The following TENM3 variants were observed in gnomAD, a reference collection of about 807,000 sequenced individuals.
TENM3 encodes the protein teneurin transmembrane protein 3.
Under a neutral mutation model 255.1 loss-of-function variants are expected in TENM3, and 63 were observed. The ratio of observed to expected loss-of-function variants is 0.25; its 90% CI spans 0.20 to 0.30. The LOEUF (loss-of-function observed/expected upper bound fraction) is 0.30. Ranked by LOEUF, TENM3 falls within the 10% of genes least tolerant of loss-of-function variation. The pLI is 1.00. For missense variants in TENM3, 2,929 were observed against 3,461.1 expected (o/e 0.85, Z 3.86); for synonymous variants, 1,306 against 1,322.3 (o/e 0.99, Z 0.27).
the TENM3 span, among the ~76,000 whole-genome samples, chr4:181,498,012 T>C: frequency 2.0e-5 from 3 of 152,178 alleles, no homozygotes; most frequent in Non-Finnish European, 2.9e-5. Context: ...TCTTTCCTGG[T>C]CAAAGTTTCA....
At chr4:181,631,302 T>A in the TENM3 span, among the ~76,000 whole-genome samples, 10 of 152,148 alleles carry the variant, frequency 6.6e-5, no homozygotes, top group East Asian at 1.9e-3. Flanking sequence ...TTTTGTTTTT[T>A]TTTTTAGACG....
chr4:182,361,698 A>C (rs1228206469), intron 3 of TENM3, among the ~76,000 whole-genome samples: 1 of 151,872 alleles, frequency 6.6e-6, no homozygotes, highest in Admixed American at 6.6e-5. Flanking sequence ...TGATCGTCTG[A>C]AGCCTTCTTC....
intron 3 of TENM3, among the ~76,000 whole-genome samples, chr4:182,590,932 A>T (rs775749870): frequency 2.6e-5 from 4 of 152,002 alleles, no homozygotes; most frequent in African/African-American, 7.2e-5. Flanking sequence ...ATGCCAGCTT[A>T]CCTGCACTTT....
At chr4:182,585,522 G>C (rs1745930579) in intron 3 of TENM3, among the ~76,000 whole-genome samples, 1 of 152,086 alleles carries the variant, frequency 6.6e-6, no homozygotes, top group Non-Finnish European at 1.5e-5. Flanking sequence ...TTGCTCCCCT[G>C]CTGTCTGCCT....
intron 3 of TENM3, among the ~76,000 whole-genome samples, chr4:182,573,667 A>G (rs192825968): frequency 1.0e-3 from 159 of 152,304 alleles, no homozygotes; most frequent in Non-Finnish European, 1.7e-3. Flanking sequence ...ACAGTTTCTG[A>G]AGGATTTGAA....
the TENM3 span, among the ~76,000 whole-genome samples, chr4:182,039,566 T>C: frequency 6.6e-6 from 1 of 152,024 alleles, no homozygotes; most frequent in Non-Finnish European, 1.5e-5. Context: ...ATCAGAAGAA[T>C]TAATGCAAAA....
At chr4:182,229,313 G>A (rs1561219775) in intron 1 of TENM3, among the ~76,000 whole-genome samples, 1 of 152,058 alleles carries the variant, frequency 6.6e-6, no homozygotes, top group Non-Finnish European at 1.5e-5. Flanking sequence ...CTTTGCTTAT[G>A]CTATAAAAAT....
At chr4:181,899,845 CTA>C in the TENM3 span, among the ~76,000 whole-genome samples, 23 of 152,198 alleles carry the variant, frequency 1.5e-4, no homozygotes, top group African/African-American at 5.3e-4. Flanking sequence ...GGATTACAGG[CTA>C]TGTTTTTTGT....
chr4:181,486,781 C>T, the TENM3 span, among the ~76,000 whole-genome samples: 4 of 152,092 alleles, frequency 2.6e-5, no homozygotes, highest in South Asian at 8.3e-4. Context: ...TAGATTACAT[C>T]CAGATAATAA....
chr4:181,895,572 T>A, the TENM3 span, among the ~76,000 whole-genome samples: 5 of 142,550 alleles, frequency 3.5e-5, no homozygotes, highest in African/African-American at 1.3e-4. Flanking sequence ...TGAGACAGGA[T>A]CTTGCTCTGT....
the TENM3 span, among the ~76,000 whole-genome samples, chr4:181,989,388 A>C: frequency 2.0e-5 from 3 of 152,100 alleles, no homozygotes; most frequent in African/African-American, 7.2e-5. Flanking sequence ...CTTTTCACCT[A>C]AGGATAAAGA....
At chr4:182,726,154 GAA>G (rs1300319136) in intron 13 of TENM3, among the ~76,000 whole-genome samples, 1 of 152,078 alleles carries the variant, frequency 6.6e-6, no homozygotes, top group African/African-American at 2.4e-5. Context: ...ATATTAGTGT[GAA>G]AAGAGTCCAA....
chr4:182,786,910 T>C (rs1765706032), intron 24 of TENM3, among the ~76,000 whole-genome samples: 1 of 152,162 alleles, frequency 6.6e-6, no homozygotes, highest in Admixed American at 6.5e-5. Context: ...TCACAGGCGC[T>C]CAAGAGCCCT....
chr4:181,900,074 A>G, the TENM3 span, among the ~76,000 whole-genome samples: 155 of 152,304 alleles, frequency 1.0e-3, no homozygotes, highest in Non-Finnish European at 1.4e-3. Flanking sequence ...AACAACTTCT[A>G]TGCTGAAATT....
At chr4:182,492,502 TGTCA>T (rs1735398472) in intron 3 of TENM3, among the ~76,000 whole-genome samples, 1 of 152,198 alleles carries the variant, frequency 6.6e-6, no homozygotes, top group African/African-American at 2.4e-5. Context: ...GTAATATTCA[TGTCA>T]GTCAGGAATC....
At chr4:181,482,716 A>G in the TENM3 span, among the ~76,000 whole-genome samples, 1 of 152,126 alleles carries the variant, frequency 6.6e-6, no homozygotes, top group African/African-American at 2.4e-5. Flanking sequence ...TCCGCCAGGT[A>G]CTTTCTAGAA....
At chr4:181,811,066 G>A in the TENM3 span, among the ~76,000 whole-genome samples, 18 of 152,272 alleles carry the variant, frequency 1.2e-4, no homozygotes, top group African/African-American at 4.1e-4. Context: ...AGTAAGCAGC[G>A]AGAAATTTGG....
At chr4:182,659,156 A>G (rs934706539) in intron 6 of TENM3, among the ~76,000 whole-genome samples, 30 of 152,188 alleles carry the variant, frequency 2.0e-4, no homozygotes, top group African/African-American at 7.0e-4. Flanking sequence ...TGTTGTGGCC[A>G]TCTTTGGAAA....
chr4:181,894,307 C>A, the TENM3 span, among the ~76,000 whole-genome samples: 1 of 152,154 alleles, frequency 6.6e-6, no homozygotes, highest in Non-Finnish European at 1.5e-5. Flanking sequence ...TGAGGGCTAG[C>A]GAGAAAAGTA....
Sources: gnomAD v4.1 joint callset for allele counts (sites outside exome capture counted in the v4.1 genomes callset) on GRCh38, gnomAD v4.1.1 for gene constraint, MANE v1.5 for transcripts, NCBI Gene and HGNC (gene_info 2026-07-23, HGNC 2026-07-21) for gene names.